AATK: variants seen among roughly 807,000 people sequenced by gnomAD.
AATK encodes serine/threonine-protein kinase LMTK1.
Under a neutral mutation model 114.3 loss-of-function variants are expected in AATK, and 91 were observed. That is an observed-to-expected ratio of 0.80 (90% CI 0.67 to 0.95). The LOEUF (loss-of-function observed/expected upper bound fraction) is 0.95, where lower values mean the gene tolerates loss of function less well. AATK is among the 40% of genes least tolerant of loss of function. The pLI is 0.00. For missense variants in AATK, 2,176 were observed against 1,965.2 expected, an observed-to-expected ratio of 1.11 and a Z score of -2.03; for synonymous variants, 1,075 against 916.5, an observed-to-expected ratio of 1.17 and a Z score of -3.12.
chr17:81,157,075 A>G (rs900649753), intron 1 of AATK, among the ~76,000 whole-genome samples: 16 of 152,170 alleles, frequency 1.1e-4, no homozygotes, highest in Non-Finnish European at 4.4e-5. Context: ...CCGAGACCAG[A>G]CAGATGTGGG....
chr17:81,159,352 G>C (rs745733739), intron 1 of AATK, among the ~76,000 whole-genome samples: 11 of 152,198 alleles, frequency 7.2e-5, no homozygotes, highest in Middle Eastern at 3.4e-3. Flanking sequence ...GCGAGTGACC[G>C]GCCAGGTAGC....
intron 1 of AATK, among the ~76,000 whole-genome samples, chr17:81,136,440 G>GGAGGGCT (rs1402930417): frequency 1.3e-5 from 2 of 152,098 alleles, no homozygotes; most frequent in African/African-American, 4.8e-5. Flanking sequence ...CCCTCCCATG[G>GGAGGGCT]CCCCATCCCT....
chr17:81,166,173 G>A lies in AATK; in HGVS notation c.-181C>T. 1 of 189,724 alleles carries A rather than the reference G, an allele frequency of 5.3e-6. No homozygotes were observed. The highest frequency in any genetic ancestry group is 9.3e-6 in the Non-Finnish European group (1 of 107,380). 11.8% of individuals were successfully genotyped at this position (189,724 alleles called of 1,614,324 possible). On this transcript the variant is annotated 5_prime_UTR_variant, in exon 1 of 14. Transcript: ENST00000326724. ...ACCGGTGGGGGCGGCGGCGACAGAC[G>A]AGGCGCTCCGCCCGGCCCTGGCGCC...
intron 8 of AATK, 31 bp from the exon 9 acceptor site, chr17:81,124,879 G>A (rs371076387): frequency 6.8e-5 from 108 of 1,581,752 alleles, no homozygotes; most frequent in East Asian, 2.6e-4. Flanking sequence ...CACCCCTGCC[G>A]GCGCAGGCCC....
Position 81,123,245 on chromosome 17 carries a change from T to C in AATK, c.1061A>G (p.Gln354Arg), listed in dbSNP as rs909191122. The stretch of plus-strand genomic sequence containing the variant: ...CTGGGGCTTGGGCAGCTTGAGCTGC[T>C]GCTCCCGGACCGTGTACGCCAGCAC... ...QQVLAYTVREQQLKLPKPQLQ... is the reference protein window; with the variant it reads ...QQVLAYTVRERQLKLPKPQLQ... Residue 354 changes from glutamine (Q) to arginine (R), a missense_variant, in exon 10 of 14, where the codon CAG (glutamine) becomes CGG (arginine). Around this residue, in one of 4 missense-constraint regions of AATK, gnomAD observed 273 missense variants for 344.1 expected, o/e 0.79. Coordinates refer to ENST00000326724, the MANE Select transcript of AATK (RefSeq NM_001080395.3). 37 of 1,414,434 alleles carry C rather than the reference T, an allele frequency of 2.6e-5. No individual in the cohort carries two copies. The African/African-American group carries it at 5.4e-4, about 21-fold the overall frequency. The allele number at this position is 1,414,434 out of a possible 1,614,324, so 87.6% of individuals were successfully genotyped here.
At chr17:81,164,999 AG>A (rs2061469291) in intron 1 of AATK, among the ~76,000 whole-genome samples, 1 of 152,114 alleles carries the variant, frequency 6.6e-6, no homozygotes, top group Non-Finnish European at 1.5e-5. Context: ...CCAGGGAAGG[AG>A]ACACAGGAGA....
At chr17:81,148,697 C>G (rs113648780) in intron 1 of AATK, among the ~76,000 whole-genome samples, 2 of 152,180 alleles carry the variant, frequency 1.3e-5, no homozygotes, top group East Asian at 1.9e-4. Flanking sequence ...TACAGACACA[C>G]GGGCACACAC....
At position 81,118,376 on chromosome 17, in the gene AATK, C is replaced by G; in HGVS notation, c.*26G>C. On this transcript the variant is annotated 3_prime_UTR_variant, in exon 14 of 14. Coordinates refer to ENST00000326724, the MANE Select transcript of AATK (RefSeq NM_001080395.3). ...TGGCAGGGGCTCCGGTGACGCCAGC[C>G]TTGAGGGGCAGGAGCTGCCCAGGTC... 3.8e-6 allele frequency: 6 copies of G among 1,598,572 alleles called. No homozygotes were observed. Among genetic ancestry groups the G allele is most frequent in the Non-Finnish European group, 5.1e-6 (6 of 1,173,736 alleles).
chr17:81,155,384 A>G (rs62075296), intron 1 of AATK, among the ~76,000 whole-genome samples: 44,183 of 113,520 alleles, frequency 0.39, 7,616 homozygotes, highest in East Asian at 0.51. Flanking sequence ...TTTACCTATT[A>G]TTATTATTAT....
chr17:81,143,516 C>T (rs1294234335), intron 1 of AATK, among the ~76,000 whole-genome samples: 1 of 52,412 alleles, frequency 1.9e-5, no homozygotes, highest in Non-Finnish European at 4.4e-5. Context: ...GCCTCACTTC[C>T]CCCAGCCATG....
At chr17:81,144,058 C>G (rs2061180518) in intron 1 of AATK, among the ~76,000 whole-genome samples, 1 of 152,212 alleles carries the variant, frequency 6.6e-6, no homozygotes, top group African/African-American at 2.4e-5. Flanking sequence ...GTGTGGCTCT[C>G]TGCCCCCACC....
Position 81,126,133 on chromosome 17 carries a change from T to C in AATK, c.755+294A>G, listed in dbSNP as rs62073024. Among the ~76,000 whole-genome samples the C allele has an allele frequency of 6.6e-6, 1 of 152,022 alleles. No individual in the cohort carries two copies. Among genetic ancestry groups the C allele is most frequent in the Non-Finnish European group, 1.5e-5 (1 of 67,998 alleles). On this transcript the variant is annotated intron_variant, in intron 7 of 13. Transcript: ENST00000326724. This position sits in a 1 kb window ranked among gnomAD's most constrained non-coding sequence, Gnocchi z 5.1. ...CCCAAAGCGAGGGCTTAGCAGAGTG[T>C]GGGGTTGGCGCGGGGCTGCAGGGTG...
chr17:81,124,027 G>C (rs1162402209), intron 9 of AATK, among the ~76,000 whole-genome samples: 1 of 152,194 alleles, frequency 6.6e-6, no homozygotes, highest in Non-Finnish European at 1.5e-5. Flanking sequence ...CCTTGGTGGA[G>C]AGGTGAGGAG....
chr17:81,128,059 T>C (rs1465070118), intron 4 of AATK, 149 bp from the exon 5 acceptor site: 2 of 966,406 alleles, frequency 2.1e-6, no homozygotes, highest in Non-Finnish European at 3.0e-6. Flanking sequence ...GCGTGAGGTA[T>C]GGCTTCCGGA....
At chr17:81,132,695 T>C in intron 2 of AATK, 2 of 329,252 alleles carry the variant, frequency 6.1e-6, no homozygotes, top group South Asian at 4.5e-5. Flanking sequence ...CGATACAGCG[T>C]GCAATCAGGT....
chr17:81,166,085 C>T lies in AATK; in HGVS notation c.-93G>A. On this transcript the variant is annotated 5_prime_UTR_variant, in exon 1 of 14. Coordinates refer to ENST00000326724, the MANE Select transcript of AATK (RefSeq NM_001080395.3). Reference sequence around the variant, plus strand: ...GAGCCGCCGCATCACCCAGCGGCCGCCGCAGGTGCGGAGCGCGCCGGCCCC... The same window carrying T: ...GAGCCGCCGCATCACCCAGCGGCCGTCGCAGGTGCGGAGCGCGCCGGCCCC... The T allele has an allele frequency of 1.1e-6, 1 of 882,122 alleles. No homozygotes were observed. The highest frequency in any genetic ancestry group is 1.4e-6 in the Non-Finnish European group (1 of 714,752). 54.6% of individuals were successfully genotyped at this position (882,122 alleles called of 1,614,324 possible).
At chr17:81,158,129 C>T (rs2061388816) in intron 1 of AATK, among the ~76,000 whole-genome samples, 1 of 152,240 alleles carries the variant, frequency 6.6e-6, no homozygotes, top group South Asian at 2.1e-4. Context: ...CTAGACAAGA[C>T]TTGCAGGGCC....
At chr17:81,133,764 G>A (rs955909507) in intron 2 of AATK, among the ~76,000 whole-genome samples, 2 of 152,126 alleles carry the variant, frequency 1.3e-5, no homozygotes, top group African/African-American at 4.8e-5. Flanking sequence ...AGGGGCCTTG[G>A]CCTCCAGAGG....
chr17:81,134,478 A>G lies in AATK; in HGVS notation c.79T>C (p.Ser27Pro), dbSNP rs1235238177. The change falls in exon 2 of 14, where the codon TCC becomes CCC. Residue 27 changes from serine (S) to proline (P), a missense_variant. By Grantham distance (74) the Ser-to-Pro change is moderately conservative. Around this residue, in one of 4 missense-constraint regions of AATK, gnomAD observed 178 missense variants for 175.4 expected, o/e 1.01. Coordinates refer to ENST00000326724, the MANE Select transcript of AATK (RefSeq NM_001080395.3). Reference protein sequence around the residue: ...DPDGAPLSELSWPSSLAVVAV... With the variant: ...DPDGAPLSELPWPSSLAVVAV... ...ACCACGGCGAGGGAGGATGGCCAGG[A>G]CAGCTCGCTGAGCGGGGCGCCGTCT... is the stretch of plus-strand genomic sequence containing the variant. 1.2e-6 allele frequency: 2 copies of G among 1,612,764 alleles called. No individual in the cohort carries two copies. Among genetic ancestry groups the G allele is most frequent in the Non-Finnish European group, 1.7e-6 (2 of 1,179,698 alleles).
Sources: gnomAD v4.1 joint callset for allele counts (sites outside exome capture counted in the v4.1 genomes callset) on GRCh38, gnomAD v4.1.1 for gene constraint, gnomAD v4.1.1 regional missense constraint, Gnocchi (gnomAD v3.1) non-coding constraint, MANE v1.5 for transcripts, NCBI Gene and HGNC (gene_info 2026-07-23, HGNC 2026-07-21) for gene names.